Variants in BAHCC1 observed in about 807,000 individuals in gnomAD.
The protein encoded by BAHCC1 is BAH domain and coiled-coil containing 1, also known as BAH and coiled-coil domain-containing protein 1.
In BAHCC1, 43 loss-of-function variants were observed where a neutral mutation model predicts 88.2. The observed-to-expected ratio is 0.49, with a 90% CI of 0.38 to 0.63. BAHCC1 has a LOEUF of 0.63. BAHCC1 is among the 20% of genes least tolerant of loss of function. The pLI, the probability that BAHCC1 is intolerant of heterozygous loss-of-function variation, is 0.00. For missense variants in BAHCC1, 3,023 were observed against 1,654.8 expected, an observed-to-expected ratio of 1.83 and a Z score of -14.34; for synonymous variants, 1,510 against 745.5, an observed-to-expected ratio of 2.03 and a Z score of -16.71.
chr17:81,445,229 GCCTGGCCGGA>G (rs1206209439), intron 9 of BAHCC1, 51 bp downstream of exon 9: 2 of 728,208 alleles, frequency 2.7e-6, no homozygotes, highest in Non-Finnish European at 5.1e-6. Context: ...CCCCAACCCT[GCCTGGCCGGA>G]CCTGGCTCCA....
At chr17:81,437,945 C>G (rs1414243358) in intron 3 of BAHCC1, among the ~76,000 whole-genome samples, 2 of 152,212 alleles carry the variant, frequency 1.3e-5, no homozygotes, top group Non-Finnish European at 2.9e-5. Flanking sequence ...TCCACTGGGC[C>G]CTGGGGCCTG....
rs782195651 is a variant in BAHCC1, at chr17:81,399,931, C to T, written c.178+14C>T. 9.6e-6 allele frequency: 13 copies of T among 1,353,124 alleles called. No individual in the cohort carries two copies. In the South Asian group the frequency reaches 1.6e-4, roughly 17 times the overall value. 83.8% of individuals were successfully genotyped at this position (1,353,124 alleles called of 1,614,324 possible). On this transcript the variant is annotated intron_variant, in intron 2 of 27. Transcript: ENST00000675386. This position sits in a 1 kb window ranked among gnomAD's most constrained non-coding sequence, Gnocchi z 4.5. ...CTTCGCACACAGGTCAGTGCTCGGC[C>T]GGGGCGGGCGCGGGACGGGAGCGTT...
Position 81,417,555 on chromosome 17 carries a change from A to ACCCCC in BAHCC1, c.179-9239_179-9235dup, listed in dbSNP as rs58215427. Among the ~76,000 whole-genome samples, 5 of 131,486 alleles carry ACCCCC rather than the reference A, an allele frequency of 3.8e-5. No individual in the cohort carries two copies. The East Asian group carries it at 6.6e-4, about 17-fold the overall frequency. The allele number at this position is 131,486 out of a possible 152,430, so 86.3% of individuals were successfully genotyped here. ...AGGGACGCCATGGGGAGCGTCGGCC[A>ACCCCC]CCCCCCCCCCGCCCTAGCCAAAGGG... On this transcript the variant is annotated intron_variant, in intron 2 of 27. Coordinates refer to ENST00000675386, the MANE Select transcript of BAHCC1 (RefSeq NM_001377448.1).
intron 4 of BAHCC1, among the ~76,000 whole-genome samples, chr17:81,439,958 G>A (rs1186484142): frequency 2.6e-5 from 4 of 152,076 alleles, no homozygotes; most frequent in Non-Finnish European, 2.9e-5. Flanking sequence ...GCACTTCCTC[G>A]CCTGCAGGAG....
chr17:81,444,144 A>G (rs1321946658), intron 6 of BAHCC1: 2 of 602,342 alleles, frequency 3.3e-6, no homozygotes, highest in Non-Finnish European at 5.9e-6. Context: ...TTCAGGGGCC[A>G]GGAGATGGCC....
rs1555654012 is a variant in BAHCC1, at chr17:81,445,340, C to T, written c.2836-14C>T. 1 of 768,762 alleles carries T rather than the reference C, an allele frequency of 1.3e-6. No individual in the cohort carries two copies. The highest frequency in any genetic ancestry group is 2.4e-6 in the Non-Finnish European group (1 of 413,608). 47.6% of individuals were successfully genotyped at this position (768,762 alleles called of 1,614,324 possible). A position where few individuals can be genotyped will look rare whatever the true frequency, so the allele number is the denominator to read the frequency against. On this transcript the variant is annotated splice_polypyrimidine_tract_variant and intron_variant, in intron 9 of 27. Coordinates refer to ENST00000675386, the MANE Select transcript of BAHCC1 (RefSeq NM_001377448.1). ...GATCCTGAGCCTGACCGAGCTTGCC[C>T]CCATCCCTGACAGCGGAAGCCCGAA...
At position 81,436,386 on chromosome 17, in the gene BAHCC1, C is replaced by T. The variant is rs563469832; in HGVS notation, c.359-1984C>T. On this transcript the variant is annotated intron_variant, in intron 3 of 27. Coordinates refer to ENST00000675386, the MANE Select transcript of BAHCC1 (RefSeq NM_001377448.1). Reference sequence around the variant, plus strand: ...CTGACTGCCTGCTCCCCGCAGAGAGCGGATGGGCTGGAGGCCTGGACCTCT... The same window carrying T: ...CTGACTGCCTGCTCCCCGCAGAGAGTGGATGGGCTGGAGGCCTGGACCTCT... Among the ~76,000 whole-genome samples the T allele has an allele frequency of 2.0e-4, 30 of 152,344 alleles. No individual in the cohort carries two copies. In the East Asian group the frequency reaches 4.4e-3, roughly 23 times the overall value.
Position 81,458,858 on chromosome 17 carries a change from G to A in BAHCC1, c.5494G>A (p.Glu1832Lys). 1 of 772,926 alleles carries A rather than the reference G, an allele frequency of 1.3e-6. No individual in the cohort carries two copies. 47.9% of individuals were successfully genotyped at this position (772,926 alleles called of 1,614,324 possible). A position where few individuals can be genotyped will look rare whatever the true frequency, so the allele number is the denominator to read the frequency against. Reference sequence around the variant, plus strand: ...CCGCCTGCTGGAAAGCTTCGCCGTGGAGGAAGACTTTGAGTTCGACGACAA... The same window carrying A: ...CCGCCTGCTGGAAAGCTTCGCCGTGAAGGAAGACTTTGAGTTCGACGACAA... ...VSRLLESFAV[E>K]EDFEFDDNSS... Residue 1832 changes from glutamate to lysine, a missense_variant, in exon 20 of 28, where the codon GAG (glutamate) becomes AAG (lysine). Coordinates refer to ENST00000675386, the MANE Select transcript of BAHCC1 (RefSeq NM_001377448.1).
intron 4 of BAHCC1, among the ~76,000 whole-genome samples, chr17:81,441,088 G>GC (rs1200320162): frequency 6.6e-6 from 1 of 152,068 alleles, no homozygotes; most frequent in South Asian, 2.1e-4. Flanking sequence ...TCCACTGCCT[G>GC]CCCCGCGTCC....
chr17:81,445,234 G>A (rs1350651214), intron 9 of BAHCC1, 56 bp downstream of exon 9: 12 of 724,448 alleles, frequency 1.7e-5, no homozygotes, highest in African/African-American at 3.5e-5. Context: ...ACCCTGCCTG[G>A]CCGGACCTGG....
intron 6 of BAHCC1, 119 bp from the exon 7 acceptor site, chr17:81,444,262 G>A (rs926951268): frequency 1.6e-6 from 1 of 634,188 alleles, no homozygotes; most frequent in Admixed American, 2.5e-5. Flanking sequence ...CAGGGAGTCA[G>A]GCATTGGCAC....
rs370879366 is a variant in BAHCC1 at position 81,440,874 on chromosome 17, C to T, written c.482-957C>T. On this transcript the variant is annotated intron_variant, in intron 4 of 27. Coordinates refer to ENST00000675386, the MANE Select transcript of BAHCC1 (RefSeq NM_001377448.1). The stretch of plus-strand genomic sequence containing the variant: ...AGCCTGAGACACCCAGATGAGAGGC[C>T]GAGGGGCTGGGAGCTCCCAGGGTGT... Among the ~76,000 whole-genome samples the T allele has an allele frequency of 4.2e-3, 647 of 152,288 alleles. 3 individuals are homozygous for T. The highest frequency in any genetic ancestry group is 7.6e-3 in the Non-Finnish European group (520 of 68,018).
In BAHCC1 at chr17:81,442,363, G is replaced by C. The variant is rs111391571; in HGVS notation, c.1014G>C (p.Leu338=). The C allele has an allele frequency of 4.3e-6, 3 of 701,288 alleles. No homozygotes were observed. Among genetic ancestry groups the C allele is most frequent in the Non-Finnish European group, 7.9e-6 (3 of 381,330 alleles). The allele number at this position is 701,288 out of a possible 1,614,324, so 43.4% of individuals were successfully genotyped here. ...PEPGPAFSEC[L]ERRQMLHHTA... is the part of the protein sequence containing the mutation. ...CCGGGCCGGCCTTCAGCGAGTGCCTGGAGCGGCGGCAGATGCTACACCACA... is the reference window on the plus strand; with the variant it reads ...CCGGGCCGGCCTTCAGCGAGTGCCTCGAGCGGCGGCAGATGCTACACCACA... Residue 338 remains leucine (L), a synonymous_variant, in exon 5 of 28, where the codon CTG becomes CTC. Transcript: ENST00000675386.
chr17:81,437,308 C>G (rs1384572628), intron 3 of BAHCC1, among the ~76,000 whole-genome samples: 1 of 152,246 alleles, frequency 6.6e-6, no homozygotes, highest in Non-Finnish European at 1.5e-5. Flanking sequence ...GGCAGGCCGG[C>G]CGGCACTGGC....
chr17:81,400,130 C>T (rs1555645812), intron 2 of BAHCC1, among the ~76,000 whole-genome samples: 4 of 152,174 alleles, frequency 2.6e-5, no homozygotes, highest in African/African-American at 9.6e-5. Context: ...CCACCCTCCC[C>T]CGGGGGTCTC....
intron 3 of BAHCC1, 78 bp from the exon 4 acceptor site, chr17:81,438,292 T>C (rs2064364035): frequency 1.7e-5 from 13 of 756,434 alleles, no homozygotes; most frequent in Admixed American, 1.1e-4. Flanking sequence ...TGCCGGCTTC[T>C]TGCCTCCCTG....
chr17:81,409,981 G>A, intron 2 of BAHCC1: 1 of 240,538 alleles, frequency 4.2e-6, no homozygotes, highest in Middle Eastern at 4.6e-4. Context: ...AAGCCACCTT[G>A]GCTGCAGCTG....
rs1017687516 is a variant in BAHCC1 at position 81,465,778 on chromosome 17, T to G, written c.*1961T>G. On this transcript the variant is annotated 3_prime_UTR_variant, in exon 28 of 28. Transcript: ENST00000675386. ...GGAGGCTCAAGGCTGGGGGCTTATG[T>G]TGTGGTCGGGGGTCCCCGCCTCCAG... 6.6e-6 allele frequency: 1 copy of G among 152,338 alleles called. No individual in the cohort carries two copies. The highest frequency in any genetic ancestry group is 1.5e-5 in the Non-Finnish European group (1 of 68,060). 9.4% of individuals were successfully genotyped at this position (152,338 alleles called of 1,614,324 possible).
At position 81,447,616 on chromosome 17, in the gene BAHCC1, C is replaced by T. The variant is rs1254888101; in HGVS notation, c.3744C>T (p.Pro1248=). The T allele has an allele frequency of 5.4e-6, 4 of 744,742 alleles. No individual in the cohort carries two copies. The highest frequency in any genetic ancestry group is 2.3e-4 in the Middle Eastern group (1 of 4,422). 46.1% of individuals were successfully genotyped at this position (744,742 alleles called of 1,614,324 possible). A position where few individuals can be genotyped will look rare whatever the true frequency, so the allele number is the denominator to read the frequency against. Residue 1248 remains proline (P), a synonymous_variant, in exon 11 of 28, where the codon CCC becomes CCT. Transcript: ENST00000675386. Reference sequence around the variant, plus strand: ...CAGAGGAGGACTGTGGCGGAGCTCCCGACAACAGCCACCCACCCAGGGCGC... The same window carrying T: ...CAGAGGAGGACTGTGGCGGAGCTCCTGACAACAGCCACCCACCCAGGGCGC... ...EDSEEDCGGA[P]DNSHPPRALP...
Sources: gnomAD v4.1 joint callset for allele counts (sites outside exome capture counted in the v4.1 genomes callset) on GRCh38, gnomAD v4.1.1 for gene constraint, Gnocchi (gnomAD v3.1) non-coding constraint, MANE v1.5 for transcripts, NCBI Gene and HGNC (gene_info 2026-07-23, HGNC 2026-07-21) for gene names.